The following VTI1B variants were observed in gnomAD, a reference collection of about 807,000 sequenced individuals.
The protein encoded by VTI1B is vesicle transport through interaction with t-SNAREs homolog 1B.
VTI1B carries 18 observed loss-of-function variants against 28.6 expected under a neutral mutation model. The ratio of observed to expected loss-of-function variants is 0.63; its 90% CI spans 0.43 to 0.93. The LOEUF is 0.93. VTI1B is among the 40% of genes least tolerant of loss of function. The probability of loss-of-function intolerance (pLI) is 0.00; values close to 1 mark genes in which losing one functional copy is unlikely to be tolerated. For synonymous variants in VTI1B, 100 were observed against 107.9 expected, an observed-to-expected ratio of 0.93 and a Z score of 0.46; for missense variants, 283 against 297.0, an observed-to-expected ratio of 0.95 and a Z score of 0.35.
chr14:67,648,120 C>T lies in VTI1B; in HGVS notation c.*3265G>A. The T allele has an allele frequency of 6.2e-7, 1 of 1,614,026 alleles. No homozygotes were observed. The highest frequency in any genetic ancestry group is 8.5e-7 in the Non-Finnish European group (1 of 1,179,924). ...TACACTGGCTCCAGCCACAGGAACT[C>T]CTGTTGTCGGGGGACTAACCTATCG... is the stretch of plus-strand genomic sequence containing the variant. On this transcript the variant is annotated 3_prime_UTR_variant, in exon 6 of 6. Coordinates refer to ENST00000554659, the MANE Select transcript of VTI1B (RefSeq NM_006370.3).
At chr14:67,674,025 G>C (rs1457906759) in intron 1 of VTI1B, among the ~76,000 whole-genome samples, 2 of 152,166 alleles carry the variant, frequency 1.3e-5, no homozygotes, top group African/African-American at 2.4e-5. Context: ...GACCTGTCTT[G>C]AGACTAGTGC....
At chr14:67,667,315 T>C (rs556408412) in intron 1 of VTI1B, among the ~76,000 whole-genome samples, 24 of 152,318 alleles carry the variant, frequency 1.6e-4, no homozygotes, top group African/African-American at 5.8e-4. Context: ...CTCATAAATA[T>C]GTGGTTACTT....
chr14:67,663,748 T>C (rs995583014), intron 1 of VTI1B, among the ~76,000 whole-genome samples: 1 of 152,160 alleles, frequency 6.6e-6, no homozygotes. Context: ...ATTATGAAGG[T>C]GGTACCAGAA....
chr14:67,666,047 T>TA (rs2037398746), intron 1 of VTI1B, among the ~76,000 whole-genome samples: 1 of 152,216 alleles, frequency 6.6e-6, no homozygotes, highest in Non-Finnish European at 1.5e-5. Context: ...TATTTTGTAA[T>TA]AAGCTGTCCC....
At chr14:67,671,546 G>GA (rs1468971710) in intron 1 of VTI1B, among the ~76,000 whole-genome samples, 1 of 151,966 alleles carries the variant, frequency 6.6e-6, no homozygotes, top group Non-Finnish European at 1.5e-5. Context: ...AAAAAAGAAA[G>GA]AAAAAAGAAA....
At chr14:67,667,902 C>A (rs2037421594) in intron 1 of VTI1B, among the ~76,000 whole-genome samples, 1 of 152,026 alleles carries the variant, frequency 6.6e-6, no homozygotes, top group African/African-American at 2.4e-5. Flanking sequence ...CGAGATCGCG[C>A]CACTGCACTC....
rs1383189274 is a variant in VTI1B at position 67,661,302 on chromosome 14, T to TG, written c.174+1174_174+1175insC. Among the ~76,000 whole-genome samples, 362 of 139,856 alleles carry TG rather than the reference T, an allele frequency of 2.6e-3. 1 individual carries two copies. The highest frequency in any genetic ancestry group is 0.018 in the South Asian group (81 of 4,450). The allele number at this position is 139,856 out of a possible 152,430, so 91.8% of individuals were successfully genotyped here. A position where few individuals can be genotyped will look rare whatever the true frequency, so the allele number is the denominator to read the frequency against. ...GCAAAAAAAAAAAAAAAAAAAAAGT[T>TG]TTTTTTTTTTAAAGAAAAGCCACAG... On this transcript the variant is annotated intron_variant, in intron 2 of 5. Transcript: ENST00000554659.
rs2037129317 is a variant in VTI1B, at chr14:67,648,414, T to C, written c.*2971A>G. 1.3e-5 allele frequency: 5 copies of C among 380,750 alleles called. No individual in the cohort carries two copies. In the Admixed American group the frequency reaches 1.7e-4, roughly 13 times the overall value. 23.6% of individuals were successfully genotyped at this position (380,750 alleles called of 1,614,324 possible). ...CACTAAGGTAATAATGAGTAAAAAA[T>C]TGTATATTTAAACAATTAAATACAA... On this transcript the variant is annotated 3_prime_UTR_variant, in exon 6 of 6. Coordinates refer to ENST00000554659, the MANE Select transcript of VTI1B (RefSeq NM_006370.3).
rs1258926980 is a variant in VTI1B at position 67,650,600 on chromosome 14, C to A, written c.*785G>T. On this transcript the variant is annotated 3_prime_UTR_variant, in exon 6 of 6. Coordinates refer to ENST00000554659, the MANE Select transcript of VTI1B (RefSeq NM_006370.3). ...GCTTCCTAAAAATAGGTATTTTCTACTATAAAATGGACTCTTGTTTTTACT... is the reference window on the plus strand; with the variant it reads ...GCTTCCTAAAAATAGGTATTTTCTAATATAAAATGGACTCTTGTTTTTACT... The A allele has an allele frequency of 3.3e-6, 3 of 899,814 alleles. No individual in the cohort carries two copies. The highest frequency in any genetic ancestry group is 5.3e-6 in the Non-Finnish European group (3 of 563,548). 55.7% of individuals were successfully genotyped at this position (899,814 alleles called of 1,614,324 possible).
intron 1 of VTI1B, among the ~76,000 whole-genome samples, chr14:67,673,961 G>A (rs1419864795): frequency 6.6e-6 from 1 of 152,118 alleles, no homozygotes; most frequent in African/African-American, 2.4e-5. Flanking sequence ...GACTCCTTTG[G>A]GTTTTTAACC....
At position 67,674,568 on chromosome 14, in the gene VTI1B, G is replaced by GC; in HGVS notation, c.-80dup. ...TCCTAGCCCGGCGGTCAGCCGCCCA[G>GC]CCCAGTGGCCATAACGGCGACCGCC... On this transcript the variant is annotated 5_prime_UTR_variant, in exon 1 of 6. It removes the in-frame stop codon of an upstream open reading frame in the 5' UTR. Transcript: ENST00000554659. The GC allele has an allele frequency of 7.9e-7, 1 of 1,266,242 alleles. No individual in the cohort carries two copies. The highest frequency in any genetic ancestry group is 1.0e-6 in the Non-Finnish European group (1 of 957,116). The allele number at this position is 1,266,242 out of a possible 1,614,324, so 78.4% of individuals were successfully genotyped here.
Position 67,648,368 on chromosome 14 carries a change from G to C in VTI1B, c.*3017C>G, listed in dbSNP as rs2037128708. On this transcript the variant is annotated 3_prime_UTR_variant, in exon 6 of 6. Coordinates refer to ENST00000554659, the MANE Select transcript of VTI1B (RefSeq NM_006370.3). ...ATATAGTCCTTTAGAGTCATGCTTG[G>C]ACATGGCTCTTACCAAATTACACTA... 1.9e-6 allele frequency: 1 copy of C among 530,132 alleles called. No homozygotes were observed. Among genetic ancestry groups the C allele is most frequent in the Admixed American group, 3.9e-5 (1 of 25,564 alleles). The allele number at this position is 530,132 out of a possible 1,614,324, so 32.8% of individuals were successfully genotyped here.
At position 67,647,183 on chromosome 14, in the gene VTI1B, T is replaced by C. The variant is rs2037111998; in HGVS notation, c.*4202A>G. On this transcript the variant is annotated 3_prime_UTR_variant, in exon 6 of 6. Coordinates refer to ENST00000554659, the MANE Select transcript of VTI1B (RefSeq NM_006370.3). Reference sequence around the variant, plus strand: ...GGCAAAATTTGAAACACAGGTCATATTCTTCCTCTGGGGTTTTTGGGAGGA... The same window carrying C: ...GGCAAAATTTGAAACACAGGTCATACTCTTCCTCTGGGGTTTTTGGGAGGA... 1 of 543,600 alleles carries C rather than the reference T, an allele frequency of 1.8e-6. No individual in the cohort carries two copies. The highest frequency in any genetic ancestry group is 2.8e-5 in the South Asian group (1 of 36,068). The allele number at this position is 543,600 out of a possible 1,614,324, so 33.7% of individuals were successfully genotyped here.
chr14:67,662,388 G>C (rs1486428986), intron 2 of VTI1B, 89 bp downstream of exon 2: 2 of 1,142,552 alleles, frequency 1.8e-6, no homozygotes, highest in East Asian at 4.9e-5. Flanking sequence ...CAATGGACAG[G>C]AACAGTTAAT....
intron 4 of VTI1B, 27 bp downstream of exon 4, chr14:67,656,389 C>T: frequency 6.4e-7 from 1 of 1,556,948 alleles, no homozygotes; most frequent in Non-Finnish European, 8.7e-7. Flanking sequence ...CCCATACTTG[C>T]CCCTTTCCCT....
chr14:67,659,217 G>A (rs1423581632), intron 3 of VTI1B, among the ~76,000 whole-genome samples: 1 of 152,142 alleles, frequency 6.6e-6, no homozygotes, highest in Admixed American at 6.5e-5. Context: ...CTCGAGAAGC[G>A]CCCTGCATTG....
intron 1 of VTI1B, among the ~76,000 whole-genome samples, chr14:67,664,660 C>T (rs1299184102): frequency 6.6e-6 from 1 of 152,002 alleles, no homozygotes; most frequent in African/African-American, 2.4e-5. Flanking sequence ...CCATGCCCGG[C>T]TAATTTTTTT....
chr14:67,671,868 G>A (rs1415509203), intron 1 of VTI1B, among the ~76,000 whole-genome samples: 2 of 152,116 alleles, frequency 1.3e-5, no homozygotes, highest in Admixed American at 6.5e-5. Flanking sequence ...CAACAACCAA[G>A]CCACTCTCAG....
intron 5 of VTI1B, chr14:67,652,655 A>G (rs2037199380): frequency 6.6e-6 from 1 of 152,182 alleles, no homozygotes; most frequent in Non-Finnish European, 1.5e-5. Context: ...CAACTCCACA[A>G]GGGTTTTATT....
Sources: allele counts gnomAD v4.1 joint callset (sites outside exome capture counted in the v4.1 genomes callset), GRCh38; gene constraint gnomAD v4.1.1; transcripts MANE v1.5; gene names NCBI Gene and HGNC (gene_info 2026-07-23, HGNC 2026-07-21).